The following SYNE2 variants were observed in gnomAD, a reference collection of about 807,000 sequenced individuals.
SYNE2 encodes nesprin-2.
A neutral mutation model predicts 856.3 loss-of-function variants in SYNE2; 431 were observed. The observed-to-expected ratio is 0.50, with a 90% CI of 0.47 to 0.55. The LOEUF is 0.55. SYNE2 is among the 20% of genes least tolerant of loss of function. SYNE2 has a pLI of 0.00. For missense variants in SYNE2, 8,129 were observed against 8,023.2 expected, an observed-to-expected ratio of 1.01 and a Z score of -0.50; for synonymous variants, 2,923 against 2,872.3, an observed-to-expected ratio of 1.02 and a Z score of -0.56.
At position 64,141,280 on chromosome 14, in the gene SYNE2, C is replaced by T. The variant is rs368745892; in HGVS notation, c.14977-61C>T. The T allele has an allele frequency of 2.7e-4, 375 of 1,390,444 alleles. 8 individuals are homozygous for T. In the South Asian group the frequency reaches 3.3e-3, roughly 12 times the overall value. 86.1% of individuals were successfully genotyped at this position (1,390,444 alleles called of 1,614,324 possible). On this transcript the variant is annotated intron_variant, in intron 80 of 115. Transcript: ENST00000555002. ...ATTTGTTGACTCTAGCCAGTTATTC[C>T]GACTCTTACTTTCTGCTATATTTAA...
At chr14:64,038,623 C>T (rs1356840134) in intron 45 of SYNE2, among the ~76,000 whole-genome samples, 4 of 152,240 alleles carry the variant, frequency 2.6e-5, no homozygotes, top group Non-Finnish European at 4.4e-5. Flanking sequence ...GTGGATCACT[C>T]GGCGGTTAGG....
intron 83 of SYNE2, among the ~76,000 whole-genome samples, chr14:64,145,308 C>T (rs1473769494): frequency 3.3e-5 from 5 of 151,730 alleles, no homozygotes; most frequent in Non-Finnish European, 5.9e-5. Context: ...GAGGCCGAGG[C>T]GGGCAGATCA....
chr14:64,058,320 C>G (rs954249514), intron 49 of SYNE2, among the ~76,000 whole-genome samples: 5 of 152,084 alleles, frequency 3.3e-5, no homozygotes, highest in Non-Finnish European at 7.4e-5. Context: ...GGTCTAGTTT[C>G]ATTTTTCTGG....
Position 63,897,665 on chromosome 14 carries a change from T to C in SYNE2, c.-51-11433T>C, listed in dbSNP as rs138745565. ...GGTTCATTCGCAGCCGGTGCTGTTCTGGCCTCAGTGGGCCTTCAGCTGCCC... is the reference window on the plus strand; with the variant it reads ...GGTTCATTCGCAGCCGGTGCTGTTCCGGCCTCAGTGGGCCTTCAGCTGCCC... On this transcript the variant is annotated intron_variant, in intron 1 of 115. Coordinates refer to ENST00000555002, the MANE Select transcript of SYNE2 (RefSeq NM_182914.3). Among the ~76,000 whole-genome samples, 301 of 152,360 alleles carry C rather than the reference T, an allele frequency of 2.0e-3. 2 individuals are homozygous for C. The highest frequency in any genetic ancestry group is 6.8e-3 in the African/African-American group (284 of 41,590).
At chr14:64,174,661 TA>T (rs1259949873) in intron 94 of SYNE2, among the ~76,000 whole-genome samples, 18 of 152,378 alleles carry the variant, frequency 1.2e-4, no homozygotes, top group African/African-American at 4.1e-4. Flanking sequence ...CTATGATGTA[TA>T]TTTTTTTATT....
At chr14:64,035,870 T>G (rs910013803) in intron 45 of SYNE2, among the ~76,000 whole-genome samples, 9 of 145,508 alleles carry the variant, frequency 6.2e-5, no homozygotes, top group African/African-American at 2.2e-4. Context: ...ATTTTTGTAT[T>G]TTTTTTTTTT....
At chr14:64,218,342 T>C in intron 108 of SYNE2, 56 bp from the exon 109 acceptor site, 1 of 1,476,030 alleles carries the variant, frequency 6.8e-7, no homozygotes, top group Non-Finnish European at 9.4e-7. Flanking sequence ...AATCCAGTTG[T>C]TCTTCAGATA....
intron 63 of SYNE2, chr14:64,099,030 C>G: frequency 1.8e-6 from 1 of 568,024 alleles, no homozygotes; most frequent in Non-Finnish European, 3.2e-6. Flanking sequence ...GAATGTAATT[C>G]AGACACTCTT....
chr14:63,836,883 A>G (rs898605359), intron 1 of SYNE2, among the ~76,000 whole-genome samples: 1 of 152,230 alleles, frequency 6.6e-6, no homozygotes, highest in African/African-American at 2.4e-5. Context: ...AGGGTTGTTA[A>G]TATTCTGTTT....
chr14:63,802,449 C>T (rs1436800510), intron 1 of SYNE2, among the ~76,000 whole-genome samples: 1 of 152,090 alleles, frequency 6.6e-6, no homozygotes, highest in Non-Finnish European at 1.5e-5. Flanking sequence ...GCAGAAAGAA[C>T]TTCCCTTATG....
intron 1 of SYNE2, among the ~76,000 whole-genome samples, chr14:63,784,415 T>A (rs1265102638): frequency 6.6e-6 from 1 of 152,094 alleles, no homozygotes; most frequent in Admixed American, 6.6e-5. Flanking sequence ...GAAAATCTCT[T>A]GAACCTGGGA....
In SYNE2 at chr14:63,835,393, C is replaced by T. The variant is rs538328730; in HGVS notation, c.-304-17108C>T. Among the ~76,000 whole-genome samples the T allele has an allele frequency of 3.9e-5, 6 of 152,122 alleles. No homozygotes were observed. In the South Asian group the frequency reaches 1.0e-3, roughly 26 times the overall value. On this transcript the variant is annotated intron_variant, in intron 1 of 23. Transcript: ENST00000674003. ...GGATTAAGGTGCCCGCCTCCACACC[C>T]GCCTAATTTTTGTATTTTTAGTAGA...
In SYNE2 at chr14:64,223,336, C is replaced by G. The variant is rs138437515; in HGVS notation, c.20338C>G (p.Arg6780Gly). 6.9e-5 allele frequency: 111 copies of G among 1,614,008 alleles called. No individual in the cohort carries two copies. The highest frequency in any genetic ancestry group is 1.4e-4 in the South Asian group (13 of 91,064). ...TATTGAGAAGAAACTCAAACAGTTA[C>G]GGGAGCAAGTGTCCCAAGATTTAAT... ...HVIEKKLKQL[R>G]EQVSQDLMAL... The change falls in exon 113 of 116, where the codon CGG (arginine) becomes GGG (glycine). Residue 6780 changes from arginine to glycine, a missense_variant. Transcript: ENST00000555002.
chr14:64,067,367 G>A (rs933320922), intron 51 of SYNE2, among the ~76,000 whole-genome samples: 2 of 152,198 alleles, frequency 1.3e-5, no homozygotes, highest in Admixed American at 6.5e-5. Context: ...TGAGTAACTT[G>A]CTCAAATTCA....
chr14:64,153,250 A>G (rs1043646932), intron 85 of SYNE2, among the ~76,000 whole-genome samples: 2 of 152,242 alleles, frequency 1.3e-5, no homozygotes, highest in Non-Finnish European at 2.9e-5. Context: ...AAGGCATGTC[A>G]ATGTCAGCAT....
chr14:63,973,680 C>T (rs977341586), intron 11 of SYNE2, among the ~76,000 whole-genome samples: 1 of 148,522 alleles, frequency 6.7e-6, no homozygotes, highest in South Asian at 2.1e-4. Context: ...TTGCCATATG[C>T]CTTTTGAGAA....
At chr14:64,022,237 AT>A (rs2153534182) in intron 37 of SYNE2, among the ~76,000 whole-genome samples, 1 of 152,214 alleles carries the variant, frequency 6.6e-6, no homozygotes, top group Non-Finnish European at 1.5e-5. Context: ...CCAAACCTTT[AT>A]TTCTTTCTTG....
upstream of SYNE2, chr14:63,848,136 C>G (rs1410322932): frequency 6.6e-6 from 1 of 152,248 alleles, no homozygotes; most frequent in Non-Finnish European, 1.5e-5. Flanking sequence ...ATCCACCTGT[C>G]TAAACCTCCC....
chr14:64,223,251 C>T lies in SYNE2; in HGVS notation c.20253C>T (p.Asn6751=), dbSNP rs867115050. 1.2e-6 allele frequency: 2 copies of T among 1,614,174 alleles called. No homozygotes were observed. The highest frequency in any genetic ancestry group is 1.7e-6 in the Non-Finnish European group (2 of 1,180,010). The change falls in exon 113 of 116, where the codon AAC becomes AAT. Residue 6751 remains asparagine, a synonymous_variant. Transcript: ENST00000555002. ...PQVDMLQEIS[N]SLLIKGHGED... The stretch of plus-strand genomic sequence containing the variant: ...TGGACATGTTACAGGAGATTTCAAA[C>T]AGCCTTCTCATTAAGGGACATGGAG...
Sources: allele counts gnomAD v4.1 joint callset (sites outside exome capture counted in the v4.1 genomes callset), GRCh38; gene constraint gnomAD v4.1.1; transcripts MANE v1.5; gene names NCBI Gene and HGNC (gene_info 2026-07-23, HGNC 2026-07-21).